The following CLIP2 variants were observed in gnomAD, a reference collection of about 807,000 sequenced individuals.
CLIP2 encodes the protein CAP-Gly domain-containing linker protein 2.
A neutral mutation model predicts 111.7 loss-of-function variants in CLIP2; 41 were observed. The observed-to-expected ratio is 0.37, with a 90% CI of 0.29 to 0.48. The LOEUF (loss-of-function observed/expected upper bound fraction) is 0.48, where lower values mean the gene tolerates loss of function less well. CLIP2 is among the 20% of genes least tolerant of loss of function. The pLI is 0.99. For missense variants in CLIP2, 1,160 were observed against 1,422.1 expected, an observed-to-expected ratio of 0.82 and a Z score of 2.96; for synonymous variants, 660 against 644.2, an observed-to-expected ratio of 1.02 and a Z score of -0.37.
chr7:74,308,582 G>A (rs1788556824), intron 1 of CLIP2, among the ~76,000 whole-genome samples: 1 of 152,004 alleles, frequency 6.6e-6, no homozygotes, highest in Admixed American at 6.6e-5. Context: ...TCAGCTCACT[G>A]CAACCTCCGC....
Position 74,376,713 on chromosome 7 carries a change from G to A in CLIP2, c.2312G>A (p.Arg771Gln), listed in dbSNP as rs781965427. 22 of 1,612,994 alleles carry A rather than the reference G, an allele frequency of 1.4e-5. No individual in the cohort carries two copies. In the East Asian group the frequency reaches 1.6e-4, roughly 11 times the overall value. ...KKMLDYERLQ[R>Q]AEAQGKQEVE... ...ATGTTGGACTACGAGCGGCTGCAGC[G>A]GGCAGAAGCCCAGGGCAAACAGGAG... is the stretch of plus-strand genomic sequence containing the variant. The change falls in exon 10 of 17, where the codon CGG becomes CAG. Residue 771 changes from arginine to glutamine, a missense_variant. Arg to Gln is a conservative substitution (Grantham distance 43). This residue lies in a region of CLIP2 where 676 missense variants were observed against 777.8 expected (regional missense o/e 0.87). Transcript: ENST00000223398. The surrounding 1 kb of genome is among the most constrained non-coding windows in gnomAD (Gnocchi z 7.1).
chr7:74,404,644 G>C lies in CLIP2; in HGVS notation c.*796G>C, dbSNP rs1447409712. 1 of 152,630 alleles carries C rather than the reference G, an allele frequency of 6.6e-6. No individual in the cohort carries two copies. The highest frequency in any genetic ancestry group is 1.5e-5 in the Non-Finnish European group (1 of 68,086). 9.5% of individuals were successfully genotyped at this position (152,630 alleles called of 1,614,324 possible). On this transcript the variant is annotated 3_prime_UTR_variant, in exon 17 of 17. Coordinates refer to ENST00000223398, the MANE Select transcript of CLIP2 (RefSeq NM_003388.5). ...GACCTTGGGCAAACCCTGGCTCGGA[G>C]CCCAGGGCAGAGGCAGCTCAGAGTG...
At chr7:74,305,111 C>T (rs1009087059) in intron 1 of CLIP2, among the ~76,000 whole-genome samples, 5 of 151,870 alleles carry the variant, frequency 3.3e-5, no homozygotes, top group African/African-American at 7.3e-5. Flanking sequence ...GGAGGACCCT[C>T]TAGGGGACCA....
At chr7:74,351,065 G>GAGAA (rs139852602) in intron 3 of CLIP2, among the ~76,000 whole-genome samples, 14 of 74,738 alleles carry the variant, frequency 1.9e-4, no homozygotes, top group Middle Eastern at 9.4e-3. Context: ...AAGAAAGAAA[G>GAGAA]AGAAAGAAAG....
Position 74,372,830 on chromosome 7 carries a change from CTCTCTCTCTCTT to C in CLIP2, c.1381-90_1381-79del, listed in dbSNP as rs567333504. The stretch of plus-strand genomic sequence containing the variant: ...TCACGGAAGATGACGCCTCCTCTCT[CTCTCTCTCTCTT>C]TCTCTCTCTCTCCGGCTTCTTCTTC... On this transcript the variant is annotated intron_variant, in intron 8 of 16. Transcript: ENST00000223398. 6,307 of 634,044 alleles carry C rather than the reference CTCTCTCTCTCTT, an allele frequency of 9.9e-3. 59 individuals carry two copies. The highest frequency in any genetic ancestry group is 0.013 in the Non-Finnish European group (4,928 of 368,404). The allele number at this position is 634,044 out of a possible 1,614,324, so 39.3% of individuals were successfully genotyped here.
intron 15 of CLIP2, 61 bp downstream of exon 15, chr7:74,400,616 C>CAG: frequency 1.4e-6 from 2 of 1,437,608 alleles, no homozygotes; most frequent in South Asian, 2.8e-5. Context: ...CCTCGGAGCC[C>CAG]CCGTCTGATG....
chr7:74,391,218 C>T (rs1239321560), intron 13 of CLIP2, among the ~76,000 whole-genome samples: 1 of 152,066 alleles, frequency 6.6e-6, no homozygotes, highest in Non-Finnish European at 1.5e-5. Context: ...GAACTATGTT[C>T]TAAAAATCTG....
intron 1 of CLIP2, among the ~76,000 whole-genome samples, chr7:74,300,601 G>A (rs1055482938): frequency 6.6e-5 from 10 of 151,804 alleles, no homozygotes; most frequent in African/African-American, 1.5e-4. Flanking sequence ...GACTACCGGC[G>A]CCCGCCACCA....
Position 74,393,349 on chromosome 7 carries a change from T to G in CLIP2, c.2721-3725T>G, listed in dbSNP as rs1432349849. Among the ~76,000 whole-genome samples, 3 of 142,936 alleles carry G rather than the reference T, an allele frequency of 2.1e-5. No homozygotes were observed. In the East Asian group the frequency reaches 6.4e-4, roughly 31 times the overall value. 93.8% of individuals were successfully genotyped at this position (142,936 alleles called of 152,430 possible). On this transcript the variant is annotated intron_variant, in intron 13 of 16. Transcript: ENST00000223398. ...GGCCCAGCATTTGCATTTCTTTTTT[T>G]TTTTGAGATGGAGTTTTGCTCTTGT... is the stretch of plus-strand genomic sequence containing the variant.
At position 74,389,258 on chromosome 7, in the gene CLIP2, C is replaced by T. The variant is rs143736859; in HGVS notation, c.2719C>T (p.Arg907Trp). 6 of 1,586,984 alleles carry T rather than the reference C, an allele frequency of 3.8e-6. No homozygotes were observed. The highest frequency in any genetic ancestry group is 1.1e-5 in the South Asian group (1 of 88,052). The part of the protein sequence containing the change: ...LISQELLRKE[R>W]SLNELRVLLL... Reference sequence around the variant, plus strand: ...CAGCCAGGAGCTGCTGCGGAAGGAGCGGTGAGGCGGCCGTGGGGCCGGCTG... The same window carrying T: ...CAGCCAGGAGCTGCTGCGGAAGGAGTGGTGAGGCGGCCGTGGGGCCGGCTG... Residue 907 changes from arginine (R) to tryptophan (W), a missense_variant and splice_region_variant, in exon 13 of 17, where the codon CGG becomes TGG. By Grantham distance (101) the Arg-to-Trp change is moderately radical. This residue lies in a region of CLIP2 where 676 missense variants were observed against 777.8 expected (regional missense o/e 0.87). Coordinates refer to ENST00000223398, the MANE Select transcript of CLIP2 (RefSeq NM_003388.5).
intron 6 of CLIP2, 65 bp downstream of exon 6, chr7:74,357,542 A>G: frequency 6.8e-7 from 1 of 1,470,664 alleles, no homozygotes; most frequent in Non-Finnish European, 9.3e-7. Context: ...TCACCCACTC[A>G]GAGCGGAGAC....
rs553349838 is a variant in CLIP2 at position 74,327,979 on chromosome 7, T to C, written c.121+10312T>C. The stretch of plus-strand genomic sequence containing the variant: ...GGGGGCACAGAAGTGGGGTTTGGAG[T>C]TCCATTTGGTTCAGGAAGAATGCCC... On this transcript the variant is annotated intron_variant, in intron 2 of 16. Coordinates refer to ENST00000223398, the MANE Select transcript of CLIP2 (RefSeq NM_003388.5). Among the ~76,000 whole-genome samples, 14 of 152,154 alleles carry C rather than the reference T, an allele frequency of 9.2e-5. No homozygotes were observed. The South Asian group carries it at 2.9e-3, about 32-fold the overall frequency.
At position 74,305,867 on chromosome 7, in the gene CLIP2, CG is replaced by C. The variant is rs1318380083; in HGVS notation, c.-67-11612del. Among the ~76,000 whole-genome samples the C allele has an allele frequency of 1.8e-3, 219 of 125,118 alleles. 5 individuals carry two copies. The highest frequency in any genetic ancestry group is 0.017 in the South Asian group (53 of 3,204). 82.1% of individuals were successfully genotyped at this position (125,118 alleles called of 152,430 possible). A position where few individuals can be genotyped will look rare whatever the true frequency, so the allele number is the denominator to read the frequency against. Reference sequence around the variant, plus strand: ...TCCCTGCACCCCAACCCCCCCCCACCGCCCCTGCTGCCAGTTCACCATCATC... The same window carrying C: ...TCCCTGCACCCCAACCCCCCCCCACCCCCCTGCTGCCAGTTCACCATCATC... On this transcript the variant is annotated intron_variant, in intron 1 of 16. Coordinates refer to ENST00000223398, the MANE Select transcript of CLIP2 (RefSeq NM_003388.5).
At chr7:74,380,562 C>T (rs1790914122) in intron 10 of CLIP2, 2 of 373,806 alleles carry the variant, frequency 5.4e-6, no homozygotes, top group Non-Finnish European at 9.6e-6. Context: ...AGGAGGTATT[C>T]ATGTATAAGC....
intron 9 of CLIP2, among the ~76,000 whole-genome samples, chr7:74,374,686 A>T (rs1338963834): frequency 6.6e-6 from 1 of 152,032 alleles, no homozygotes; most frequent in Non-Finnish European, 1.5e-5. Flanking sequence ...GTGCCACTAC[A>T]CTCCAGCCTG....
chr7:74,329,236 T>C (rs1789208838), intron 2 of CLIP2, among the ~76,000 whole-genome samples: 1 of 151,804 alleles, frequency 6.6e-6, no homozygotes, highest in Non-Finnish European at 1.5e-5. Context: ...ATTTTTCTAT[T>C]ATTTTATAGA....
At chr7:74,322,848 A>G (rs1009607108) in intron 2 of CLIP2, among the ~76,000 whole-genome samples, 1 of 151,806 alleles carries the variant, frequency 6.6e-6, no homozygotes, top group Non-Finnish European at 1.5e-5. Flanking sequence ...CTCCTGCTTC[A>G]GCCTCCCAAG....
At chr7:74,304,164 G>A (rs987924749) in intron 1 of CLIP2, among the ~76,000 whole-genome samples, 5 of 151,624 alleles carry the variant, frequency 3.3e-5, no homozygotes, top group African/African-American at 1.2e-4. Context: ...TCTTGCCTTG[G>A]CATCCCAGAG....
At chr7:74,299,366 A>AATAAAGGC (rs782805987) in intron 1 of CLIP2, among the ~76,000 whole-genome samples, 24 of 141,894 alleles carry the variant, frequency 1.7e-4, no homozygotes, top group Admixed American at 6.5e-4. Flanking sequence ...TAAATAAATA[A>AATAAAGGC]AGGCCCTGCC....
Sources: allele counts gnomAD v4.1 joint callset (sites outside exome capture counted in the v4.1 genomes callset), GRCh38; gene constraint gnomAD v4.1.1; regional missense constraint gnomAD v4.1.1; non-coding constraint Gnocchi (gnomAD v3.1); transcripts MANE v1.5; gene names NCBI Gene and HGNC (gene_info 2026-07-23, HGNC 2026-07-21).